Variants in LRRTM4 observed in about 807,000 individuals in gnomAD.
LRRTM4 encodes leucine rich repeat transmembrane neuronal 4.
A neutral mutation model predicts 47.6 loss-of-function variants in LRRTM4; 25 were observed. The ratio of observed to expected loss-of-function variants is 0.53; its 90% confidence interval spans 0.38 to 0.73. LRRTM4 has a LOEUF of 0.73. Among genes scored for constraint, LRRTM4 ranks in the 30% least tolerant of loss-of-function variants. The pLI, the probability that LRRTM4 is intolerant of heterozygous loss-of-function variation, is 0.00. For synonymous variants in LRRTM4, 311 were observed against 269.5 expected (o/e 1.15, Z -1.51); for missense variants, 638 against 713.4 (o/e 0.89, Z 1.20).
intron 3 of LRRTM4, among the ~76,000 whole-genome samples, chr2:77,297,788 C>G (rs149644502): frequency 6.7e-4 from 102 of 152,268 alleles, no homozygotes; most frequent in African/African-American, 2.4e-3. Flanking sequence ...AAGTTTTCCA[C>G]TTTATGGGTC....
chr2:77,334,143 C>T (rs958700504), intron 3 of LRRTM4, among the ~76,000 whole-genome samples: 4 of 152,170 alleles, frequency 2.6e-5, no homozygotes, highest in African/African-American at 9.7e-5. Flanking sequence ...TAGGAAGTAA[C>T]TAACTTGCTT....
chr2:77,515,692 A>G (rs1286773560), intron 3 of LRRTM4, among the ~76,000 whole-genome samples: 1 of 151,864 alleles, frequency 6.6e-6, no homozygotes, highest in Non-Finnish European at 1.5e-5. Flanking sequence ...TTATGAAAAC[A>G]ATGCCAAGCT....
chr2:77,491,078 C>A (rs1678135493), intron 3 of LRRTM4, among the ~76,000 whole-genome samples: 1 of 149,904 alleles, frequency 6.7e-6, no homozygotes, highest in Admixed American at 6.7e-5. Context: ...AAGAGAAGAT[C>A]AGAAAGAGAG....
chr2:77,087,816 A>G lies in LRRTM4; in HGVS notation c.1552-338900T>C, dbSNP rs1462497969. Among the ~76,000 whole-genome samples the G allele has an allele frequency of 2.6e-5, 4 of 151,518 alleles. No individual in the cohort carries two copies. In the Admixed American group the frequency reaches 2.6e-4, roughly 10 times the overall value. On this transcript the variant is annotated intron_variant, in intron 3 of 3. Coordinates refer to ENST00000409884, the MANE Select transcript of LRRTM4 (RefSeq NM_001134745.3). ...GTATACTAAAGAAAAATATTATTTAAGAAGAGCTCTTTAAAATGTGCTAAA... is the reference window on the plus strand; with the variant it reads ...GTATACTAAAGAAAAATATTATTTAGGAAGAGCTCTTTAAAATGTGCTAAA...
intron 3 of LRRTM4, among the ~76,000 whole-genome samples, chr2:76,980,273 A>C (rs1676560707): frequency 6.6e-6 from 1 of 152,102 alleles, no homozygotes; most frequent in Non-Finnish European, 1.5e-5. Flanking sequence ...GCTTCTGCTG[A>C]GTTCCAGATA....
intron 3 of LRRTM4, among the ~76,000 whole-genome samples, chr2:77,347,626 A>G (rs1457946722): frequency 6.6e-6 from 1 of 152,152 alleles, no homozygotes; most frequent in East Asian, 1.9e-4. Context: ...TTTATAAAAT[A>G]TAATAAAAAT....
intron 3 of LRRTM4, among the ~76,000 whole-genome samples, chr2:76,805,465 T>C (rs1675920243): frequency 1.3e-5 from 2 of 152,126 alleles, no homozygotes; most frequent in Admixed American, 1.3e-4. Context: ...TATTTAAACA[T>C]ATTGAAGATT....
intron 3 of LRRTM4, among the ~76,000 whole-genome samples, chr2:76,819,484 G>A (rs1051175676): frequency 6.6e-6 from 1 of 151,780 alleles, no homozygotes; most frequent in Admixed American, 6.6e-5. Flanking sequence ...ATTTGGGTCT[G>A]GAATATAGAC....
At chr2:77,113,700 G>T (rs142302135) in intron 3 of LRRTM4, among the ~76,000 whole-genome samples, 1 of 152,058 alleles carries the variant, frequency 6.6e-6, no homozygotes, top group Non-Finnish European at 1.5e-5. Context: ...CATGTGTGAA[G>T]AAGGGTACAG....
chr2:76,808,722 C>A (rs939261833), intron 3 of LRRTM4, among the ~76,000 whole-genome samples: 6 of 152,148 alleles, frequency 3.9e-5, no homozygotes, highest in Non-Finnish European at 7.4e-5. Context: ...CCATTACTTG[C>A]CCAAATAAGG....
In LRRTM4 at chr2:76,839,740, A is replaced by T. The variant is rs989250700; in HGVS notation, c.1552-90824T>A. On this transcript the variant is annotated intron_variant, in intron 3 of 3. Transcript: ENST00000409884. The stretch of plus-strand genomic sequence containing the variant: ...AATAAATAGATTTCCTTATCAAATA[A>T]TAGTTTGTTTATGATTCTAATACTT... Among the ~76,000 whole-genome samples, 13 of 152,148 alleles carry T rather than the reference A, an allele frequency of 8.5e-5. No homozygotes were observed. The South Asian group carries it at 2.1e-3, about 24-fold the overall frequency.
chr2:76,895,805 T>C (rs1050308403), intron 3 of LRRTM4, among the ~76,000 whole-genome samples: 2 of 152,094 alleles, frequency 1.3e-5, no homozygotes, highest in Admixed American at 6.6e-5. Context: ...CTAACTTCCA[T>C]GCAGTCTGTG....
chr2:76,896,467 A>G (rs1673421645), intron 3 of LRRTM4, among the ~76,000 whole-genome samples: 1 of 152,038 alleles, frequency 6.6e-6, no homozygotes, highest in Admixed American at 6.6e-5. Flanking sequence ...CTATGAAAAA[A>G]AATCATCAAG....
At chr2:76,928,360 G>T (rs2103826254) in intron 3 of LRRTM4, among the ~76,000 whole-genome samples, 1 of 152,268 alleles carries the variant, frequency 6.6e-6, no homozygotes, top group Middle Eastern at 3.4e-3. Context: ...AAAGTGTTAT[G>T]AATATGTTTA....
At chr2:76,755,498 C>G (rs1286737292) in intron 3 of LRRTM4, among the ~76,000 whole-genome samples, 2 of 152,096 alleles carry the variant, frequency 1.3e-5, no homozygotes, top group Non-Finnish European at 2.9e-5. Flanking sequence ...AACCAAAACT[C>G]TTAGAAACTT....
At chr2:76,837,278 T>C (rs907033646) in intron 3 of LRRTM4, among the ~76,000 whole-genome samples, 4 of 118,246 alleles carry the variant, frequency 3.4e-5, no homozygotes, top group African/African-American at 8.6e-5. Flanking sequence ...CTCTCTTTTT[T>C]TATTAGTCTT....
intron 3 of LRRTM4, among the ~76,000 whole-genome samples, chr2:77,000,851 T>G (rs1230741094): frequency 6.6e-6 from 1 of 152,126 alleles, no homozygotes; most frequent in African/African-American, 2.4e-5. Flanking sequence ...ATGGTGGCTG[T>G]GGAGGGACCT....
intron 3 of LRRTM4, among the ~76,000 whole-genome samples, chr2:76,855,792 C>A (rs1330784569): frequency 6.6e-6 from 1 of 152,014 alleles, no homozygotes; most frequent in Non-Finnish European, 1.5e-5. Context: ...AATAACAAGA[C>A]CCTCAGTTGG....
intron 3 of LRRTM4, among the ~76,000 whole-genome samples, chr2:77,147,323 A>G (rs1273464758): frequency 6.6e-6 from 1 of 152,206 alleles, no homozygotes; most frequent in Non-Finnish European, 1.5e-5. Context: ...ATCAAATGTA[A>G]TGACTCAGCT....
Sources: gnomAD v4.1 joint callset for allele counts (sites outside exome capture counted in the v4.1 genomes callset) on GRCh38, gnomAD v4.1.1 for gene constraint, MANE v1.5 for transcripts, NCBI Gene and HGNC (gene_info 2026-07-23, HGNC 2026-07-21) for gene names.